The following LRRC28 variants were observed in gnomAD, a reference collection of about 807,000 sequenced individuals.
LRRC28 encodes leucine rich repeat containing 28.
In LRRC28, 39 loss-of-function variants were observed where a neutral mutation model predicts 45.7. The ratio of observed to expected loss-of-function variants is 0.85; its 90% CI spans 0.66 to 1.12. The LOEUF (loss-of-function observed/expected upper bound fraction) is 1.12. Ranked by LOEUF, LRRC28 falls within the 50% of genes most tolerant of loss-of-function variation. LRRC28 has a pLI of 0.00. For missense variants in LRRC28, 435 were observed against 438.5 expected, an observed-to-expected ratio of 0.99 and a Z score of 0.07; for synonymous variants, 206 against 178.8, an observed-to-expected ratio of 1.15 and a Z score of -1.22.
intron 5 of LRRC28, among the ~76,000 whole-genome samples, chr15:99,307,957 G>A (rs145201785): frequency 6.6e-6 from 1 of 152,162 alleles, no homozygotes; most frequent in Admixed American, 6.5e-5. Flanking sequence ...TCAGATAACT[G>A]TAAAGAGGGG....
At position 99,257,795 on chromosome 15, in the gene LRRC28, T is replaced by C. The variant is rs2152122729; in HGVS notation, c.168+1670T>C. On this transcript the variant is annotated intron_variant, in intron 2 of 9. Transcript: ENST00000301981. ...AAGTAGTACAGAGAGAGGAAGAAGC[T>C]ATTCAGTTGGATAAATTAAATGCAT... 3 of 780,244 alleles carry C rather than the reference T, an allele frequency of 3.8e-6. No individual in the cohort carries two copies. In the East Asian group the frequency reaches 7.3e-5, roughly 19 times the overall value. 48.3% of individuals were successfully genotyped at this position (780,244 alleles called of 1,614,324 possible).
rs553249080 is a variant in LRRC28, at chr15:99,312,449, G to C, written c.386-21474G>C. Among the ~76,000 whole-genome samples the C allele has an allele frequency of 3.3e-5, 5 of 152,292 alleles. No individual in the cohort carries two copies. In the East Asian group the frequency reaches 9.6e-4, roughly 29 times the overall value. On this transcript the variant is annotated intron_variant, in intron 5 of 9. Coordinates refer to ENST00000301981, the MANE Select transcript of LRRC28 (RefSeq NM_144598.5). ...CAGGGACAACAGCATGTATGGAGCTGTCATCGCCTATGATAACAATGCTTT... is the reference window on the plus strand; with the variant it reads ...CAGGGACAACAGCATGTATGGAGCTCTCATCGCCTATGATAACAATGCTTT...
intron 3 of LRRC28, among the ~76,000 whole-genome samples, chr15:99,282,760 C>T (rs755608772): frequency 6.6e-6 from 1 of 152,212 alleles, no homozygotes; most frequent in Non-Finnish European, 1.5e-5. Context: ...TTTCTTAGAA[C>T]ATATCCCAGT....
chr15:99,377,240 A>T (rs915136102), intron 9 of LRRC28, among the ~76,000 whole-genome samples: 3 of 151,628 alleles, frequency 2.0e-5, no homozygotes, highest in African/African-American at 7.3e-5. Context: ...TCGCCATTCT[A>T]ACTGGTGTGA....
At chr15:99,263,318 C>CAAA (rs34133374) in intron 2 of LRRC28, among the ~76,000 whole-genome samples, 1 of 70,504 alleles carries the variant, frequency 1.4e-5, no homozygotes. Context: ...GACCCTGTCT[C>CAAA]AAAAAAAAAA....
intron 5 of LRRC28, among the ~76,000 whole-genome samples, chr15:99,331,523 G>C (rs1956157838): frequency 6.6e-6 from 1 of 152,028 alleles, no homozygotes; most frequent in African/African-American, 2.4e-5. Flanking sequence ...TGTCAGCCTA[G>C]GATCTCTTTC....
chr15:99,384,755 A>G (rs1957931999), intron 9 of LRRC28: 2 of 152,232 alleles, frequency 1.3e-5, no homozygotes, highest in Admixed American at 1.3e-4. Context: ...CACATGCTAC[A>G]GATTAGCAGG....
rs1957260239 is a variant in LRRC28 at position 99,363,383 on chromosome 15, T to G, written c.1031+118T>G. On this transcript the variant is annotated intron_variant, in intron 9 of 9. Coordinates refer to ENST00000301981, the MANE Select transcript of LRRC28 (RefSeq NM_144598.5). ...CAGTTTTAAAGGGGCATAACATGCT[T>G]CCTGAGAAACAGCTAAATGAAACGA... The G allele has an allele frequency of 2.9e-5, 30 of 1,022,636 alleles. 2 individuals are homozygous for G. In the South Asian group the frequency reaches 5.0e-4, roughly 17 times the overall value. The allele number at this position is 1,022,636 out of a possible 1,614,324, so 63.3% of individuals were successfully genotyped here. A position where few individuals can be genotyped will look rare whatever the true frequency, so the allele number is the denominator to read the frequency against.
chr15:99,378,940 C>G (rs4545797), intron 9 of LRRC28, among the ~76,000 whole-genome samples: 21,674 of 151,356 alleles, frequency 0.14, 1,590 homozygotes, highest in Non-Finnish European at 0.16. Flanking sequence ...GATTCGGTTT[C>G]CCAGTATTTT....
At chr15:99,351,285 C>T (rs959290740) in intron 6 of LRRC28, among the ~76,000 whole-genome samples, 6 of 152,178 alleles carry the variant, frequency 3.9e-5, no homozygotes, top group African/African-American at 1.2e-4. Context: ...TGAGAAGTGT[C>T]TCCACCACCT....
intron 5 of LRRC28, among the ~76,000 whole-genome samples, chr15:99,300,581 C>T (rs1166125875): frequency 6.6e-6 from 1 of 152,172 alleles, no homozygotes; most frequent in African/African-American, 2.4e-5. Context: ...AATCCCAGCA[C>T]TTTGGGAGGC....
At chr15:99,274,607 A>G (rs1046730770) in intron 2 of LRRC28, among the ~76,000 whole-genome samples, 3 of 151,676 alleles carry the variant, frequency 2.0e-5, no homozygotes, top group African/African-American at 4.9e-5. Flanking sequence ...ATTATAAAAG[A>G]CACATGCTTA....
chr15:99,367,451 G>A (rs1305408130), intron 9 of LRRC28, among the ~76,000 whole-genome samples: 1 of 152,098 alleles, frequency 6.6e-6, no homozygotes, highest in Non-Finnish European at 1.5e-5. Flanking sequence ...AAGAAAATCA[G>A]ACCAAACTTG....
chr15:99,255,983 T>A lies in LRRC28; in HGVS notation c.26T>A (p.Ile9Asn). Residue 9 changes from isoleucine (I) to asparagine (N), a missense_variant, in exon 2 of 10, where the codon ATC (isoleucine) becomes AAC (asparagine). Ile to Asn is a moderately radical substitution (Grantham distance 149, BLOSUM62 -3). Transcript: ENST00000301981. ...ATGGCGTCCGAACTTTGTAAGACGA[T>A]CTCTGTGGCAAGGCTAGAAAAGCAC... MASELCKT[I>N]SVARLEKHKN... 6.2e-7 allele frequency: 1 copy of A among 1,612,674 alleles called. No homozygotes were observed. Among genetic ancestry groups the A allele is most frequent in the Non-Finnish European group, 8.5e-7 (1 of 1,179,936 alleles).
intron 3 of LRRC28, among the ~76,000 whole-genome samples, chr15:99,282,008 T>C (rs2081807600): frequency 6.6e-6 from 1 of 151,798 alleles, no homozygotes; most frequent in African/African-American, 2.4e-5. Context: ...CTCAGGCTGG[T>C]CTTGAATTCT....
At chr15:99,271,058 T>C (rs2081465006) in intron 2 of LRRC28, among the ~76,000 whole-genome samples, 1 of 152,244 alleles carries the variant, frequency 6.6e-6, no homozygotes, top group Non-Finnish European at 1.5e-5. Flanking sequence ...GTCATTTGCA[T>C]ATCTTCTTGG....
At chr15:99,321,589 A>C (rs1955799316) in intron 5 of LRRC28, among the ~76,000 whole-genome samples, 1 of 152,164 alleles carries the variant, frequency 6.6e-6, no homozygotes, top group Admixed American at 6.5e-5. Context: ...TTTTTCCTCC[A>C]AGGATTTGTG....
intron 6 of LRRC28, among the ~76,000 whole-genome samples, chr15:99,345,435 C>G (rs1234395384): frequency 3.3e-5 from 5 of 152,112 alleles, no homozygotes; most frequent in Non-Finnish European, 7.4e-5. Flanking sequence ...TTGTTGAGCA[C>G]CTTTTCATCT....
intron 9 of LRRC28, among the ~76,000 whole-genome samples, chr15:99,376,831 G>T (rs911283256): frequency 6.6e-6 from 1 of 152,162 alleles, no homozygotes; most frequent in Non-Finnish European, 1.5e-5. Context: ...TGCTGAGAAT[G>T]ATGGTTTCCA....
Sources: allele counts gnomAD v4.1 joint callset (sites outside exome capture counted in the v4.1 genomes callset), GRCh38; gene constraint gnomAD v4.1.1; transcripts MANE v1.5; gene names NCBI Gene and HGNC (gene_info 2026-07-23, HGNC 2026-07-21).